The following TCF4 variants were observed in gnomAD, a reference collection of about 807,000 sequenced individuals.
TCF4 encodes the protein transcription factor 4, also known as SL3-3 enhancer factor 2.
A neutral mutation model predicts 82.1 loss-of-function variants in TCF4; 3 were observed. That is an observed-to-expected ratio of 0.04 (90% CI 0.02 to 0.09). TCF4 has a LOEUF of 0.09. Among genes scored for constraint, TCF4 ranks in the 10% least tolerant of loss-of-function variants. The pLI is 1.00. For synonymous variants in TCF4, 276 were observed against 309.6 expected (o/e 0.89, Z 1.14); for missense variants, 518 against 852.7 (o/e 0.61, Z 4.89).
chr18:55,414,032 A>G (rs1243775526), intron 5 of TCF4, among the ~76,000 whole-genome samples: 1 of 152,232 alleles, frequency 6.6e-6, no homozygotes, highest in Admixed American at 6.5e-5. Flanking sequence ...GCTATCCACC[A>G]GTAAGGGATA....
At chr18:55,545,473 C>G (rs1207175187) in intron 3 of TCF4, among the ~76,000 whole-genome samples, 1 of 151,998 alleles carries the variant, frequency 6.6e-6, no homozygotes, top group East Asian at 1.9e-4. Context: ...TTTTGAGACA[C>G]TGTCTCACCA....
intron 2 of TCF4, 74 bp downstream of exon 2, chr18:55,586,971 T>G (rs2097655416): frequency 7.6e-7 from 1 of 1,313,378 alleles, no homozygotes; most frequent in Non-Finnish European, 1.1e-6. Flanking sequence ...TTCCTACTGG[T>G]TTCTAGCTGA....
chr18:55,380,742 C>A (rs555383569), intron 6 of TCF4, among the ~76,000 whole-genome samples: 62 of 152,222 alleles, frequency 4.1e-4, no homozygotes, highest in Non-Finnish European at 6.5e-4. Flanking sequence ...CCACTGTGGT[C>A]AATCTCAAGC....
chr18:55,305,460 A>G (rs559328382), intron 8 of TCF4, among the ~76,000 whole-genome samples: 30 of 152,342 alleles, frequency 2.0e-4, no homozygotes, highest in African/African-American at 6.5e-4. Context: ...TAAGCAAATT[A>G]TCTATTTAAA....
intron 5 of TCF4, among the ~76,000 whole-genome samples, chr18:55,457,152 C>T (rs922523473): frequency 3.3e-5 from 5 of 152,188 alleles, no homozygotes; most frequent in African/African-American, 9.6e-5. Flanking sequence ...AAAACAAACA[C>T]AAAGGCTATT....
intron 5 of TCF4, chr18:55,422,254 C>A (rs1234309907): frequency 1.0e-6 from 1 of 984,750 alleles, no homozygotes; most frequent in African/African-American, 1.8e-5. Context: ...GATGAAGAGT[C>A]GCCAAAAAGC....
At chr18:55,609,830 G>A (rs2097705505) in intron 2 of TCF4, among the ~76,000 whole-genome samples, 1 of 152,038 alleles carries the variant, frequency 6.6e-6, no homozygotes, top group African/African-American at 2.4e-5. Context: ...TCCTACCTCT[G>A]TTGGGCCTTT....
chr18:55,310,558 C>T (rs1056483651), intron 8 of TCF4, among the ~76,000 whole-genome samples: 1 of 152,190 alleles, frequency 6.6e-6, no homozygotes, highest in Non-Finnish European at 1.5e-5. Flanking sequence ...AAAATCACTT[C>T]CGTATCATGG....
At chr18:55,448,076 A>G (rs2095557727) in intron 5 of TCF4, among the ~76,000 whole-genome samples, 1 of 152,192 alleles carries the variant, frequency 6.6e-6, no homozygotes, top group Non-Finnish European at 1.5e-5. Context: ...TATTGTTTCT[A>G]TGCAGTGTTT....
chr18:55,441,208 TTTC>T lies in TCF4; in HGVS notation c.304+19808_304+19810del. On this transcript the variant is annotated intron_variant, in intron 5 of 19. Coordinates refer to ENST00000354452, the MANE Select transcript of TCF4 (RefSeq NM_001083962.2). ...CCAAATCAAGCTTCCTTGCTCTTTC[TTTC>T]TCTTCTCTTGTTTGACCACAGACTT... Among the ~76,000 whole-genome samples, 3 of 152,360 alleles carry T rather than the reference TTTC, an allele frequency of 2.0e-5. No homozygotes were observed. The South Asian group carries it at 6.2e-4, about 32-fold the overall frequency.
At chr18:55,475,457 G>C (rs1031081821) in intron 3 of TCF4, among the ~76,000 whole-genome samples, 42 of 152,128 alleles carry the variant, frequency 2.8e-4, no homozygotes, top group African/African-American at 9.9e-4. Context: ...GGTCAAAGTG[G>C]CATGCAAATT....
At chr18:55,516,542 C>T (rs376991714) in intron 3 of TCF4, among the ~76,000 whole-genome samples, 1 of 151,860 alleles carries the variant, frequency 6.6e-6, no homozygotes, top group Non-Finnish European at 1.5e-5. Flanking sequence ...GAGAGTGATC[C>T]GGAGGCCTGG....
At chr18:55,407,314 T>G (rs1462888598) in intron 5 of TCF4, among the ~76,000 whole-genome samples, 1 of 152,202 alleles carries the variant, frequency 6.6e-6, no homozygotes, top group Admixed American at 6.5e-5. Context: ...GCAAAAATGA[T>G]GTATACAAGG....
At chr18:55,302,350 G>A (rs1601947010) in intron 8 of TCF4, 1 of 1,408,216 alleles carries the variant, frequency 7.1e-7, no homozygotes, top group East Asian at 2.5e-5. Context: ...GCAGCACAGT[G>A]CAGCCCAAGA....
intron 3 of TCF4, among the ~76,000 whole-genome samples, chr18:55,537,431 A>C (rs984374961): frequency 6.6e-6 from 1 of 152,062 alleles, no homozygotes; most frequent in Non-Finnish European, 1.5e-5. Context: ...CTCTACAAAA[A>C]ACACAAAAAC....
intron 6 of TCF4, among the ~76,000 whole-genome samples, chr18:55,380,918 C>A (rs1051450590): frequency 1.3e-5 from 2 of 152,148 alleles, no homozygotes; most frequent in African/African-American, 4.8e-5. Context: ...AATATTAACC[C>A]GTTTCCTGTG....
intron 3 of TCF4, among the ~76,000 whole-genome samples, chr18:55,570,406 G>C (rs2147526307): frequency 6.6e-6 from 1 of 152,200 alleles, no homozygotes; most frequent in African/African-American, 2.4e-5. Flanking sequence ...GAAGGTATTT[G>C]CAGCATGTAT....
intron 3 of TCF4, among the ~76,000 whole-genome samples, chr18:55,469,936 G>T (rs2096136310): frequency 6.6e-6 from 1 of 152,188 alleles, no homozygotes; most frequent in Non-Finnish European, 1.5e-5. Context: ...GAGCAGACAA[G>T]ATAACAAGGA....
At chr18:55,503,263 T>C (rs1167197740) in intron 3 of TCF4, among the ~76,000 whole-genome samples, 1 of 152,238 alleles carries the variant, frequency 6.6e-6, no homozygotes, top group Non-Finnish European at 1.5e-5. Context: ...TCTATCATCA[T>C]GCATTCCTGA....
Sources: gnomAD v4.1 joint callset for allele counts (sites outside exome capture counted in the v4.1 genomes callset) on GRCh38, gnomAD v4.1.1 for gene constraint, MANE v1.5 for transcripts, NCBI Gene and HGNC (gene_info 2026-07-23, HGNC 2026-07-21) for gene names.